The following THSD7A variants were observed in gnomAD, a reference collection of about 807,000 sequenced individuals.
THSD7A encodes the protein thrombospondin type 1 domain containing 7A, also known as thrombospondin type-1 domain-containing protein 7A.
THSD7A carries 96 observed loss-of-function variants against 231.3 expected under a neutral mutation model. That is an observed-to-expected ratio of 0.41 (90% confidence interval 0.35 to 0.49). The LOEUF is 0.49. THSD7A is among the 20% of genes least tolerant of loss of function. The probability of loss-of-function intolerance (pLI) is 0.05; values close to 1 mark genes in which losing one functional copy is unlikely to be tolerated. For missense variants in THSD7A, 2,290 were observed against 2,070.2 expected, an observed-to-expected ratio of 1.11 and a Z score of -2.06; for synonymous variants, 940 against 743.3, an observed-to-expected ratio of 1.26 and a Z score of -4.30.
intron 1 of THSD7A, among the ~76,000 whole-genome samples, chr7:11,693,275 A>G (rs940652734): frequency 6.6e-6 from 1 of 151,592 alleles, no homozygotes; most frequent in Non-Finnish European, 1.5e-5. Flanking sequence ...CATCTTCAAT[A>G]TATGTGAATA....
rs137952357 is a variant in THSD7A, at chr7:11,644,587, G to A, written c.191-7626C>T. 7.4e-3 allele frequency among the ~76,000 whole-genome samples: 1,119 copies of A among 151,934 alleles called. 11 individuals carry two copies. Among genetic ancestry groups the A allele is most frequent in the African/African-American group, 0.025 (1,055 of 41,508 alleles). On this transcript the variant is annotated intron_variant, in intron 1 of 27. Transcript: ENST00000423059. ...GTCAAGCTGAGCTTTCACCTTCAATGAGTAATTAAACTTTAATAAGAAATT... is the reference window on the plus strand; with the variant it reads ...GTCAAGCTGAGCTTTCACCTTCAATAAGTAATTAAACTTTAATAAGAAATT...
At chr7:11,754,668 A>C (rs1782617088) in intron 1 of THSD7A, among the ~76,000 whole-genome samples, 1 of 152,088 alleles carries the variant, frequency 6.6e-6, no homozygotes, top group South Asian at 2.1e-4. Context: ...AAATCTGTAC[A>C]AGTGCAATCT....
At position 11,426,671 on chromosome 7, in the gene THSD7A, C is replaced by T. The variant is rs368747794; in HGVS notation, c.3244G>A (p.Ala1082Thr). Residue 1082 changes from alanine (A) to threonine (T), a missense_variant and splice_region_variant, in exon 15 of 28, where the codon GCA becomes ACA. Coordinates refer to ENST00000423059, the MANE Select transcript of THSD7A (RefSeq NM_015204.3). ...TGAGGTTTAAGAGTTCTTACCTGTG[C>T]CTGGAGTGGTGTTCAACAGGAATGA... Reference protein sequence around the residue: ...PCPKLDHVNQAQVYEVVPCHS... With the variant: ...PCPKLDHVNQTQVYEVVPCHS... 1.9e-6 allele frequency: 3 copies of T among 1,561,366 alleles called. No homozygotes were observed. Among genetic ancestry groups the T allele is most frequent in the Non-Finnish European group, 2.6e-6 (3 of 1,159,986 alleles).
At chr7:11,526,440 T>C (rs1317358881) in intron 6 of THSD7A, among the ~76,000 whole-genome samples, 1 of 152,180 alleles carries the variant, frequency 6.6e-6, no homozygotes, top group African/African-American at 2.4e-5. Context: ...TGAGCATGTC[T>C]CTAGTCCTTG....
At chr7:11,629,807 A>G (rs139132578) in intron 2 of THSD7A, among the ~76,000 whole-genome samples, 15 of 152,318 alleles carry the variant, frequency 9.8e-5, no homozygotes, top group African/African-American at 3.6e-4. Context: ...AGAAAGATAT[A>G]TAGGATTTTA....
intron 4 of THSD7A, among the ~76,000 whole-genome samples, chr7:11,562,668 G>C (rs974600983): frequency 6.6e-6 from 1 of 152,138 alleles, no homozygotes; most frequent in African/African-American, 2.4e-5. Flanking sequence ...GATAACAAGA[G>C]ATTCCAAAGA....
chr7:11,552,672 C>A (rs1010892401), intron 4 of THSD7A, among the ~76,000 whole-genome samples: 15 of 152,090 alleles, frequency 9.9e-5, no homozygotes, highest in African/African-American at 3.6e-4. Context: ...GAGCTGCAGT[C>A]ATAGAAGCTG....
In THSD7A at chr7:11,772,507, TGTG is replaced by T. The variant is rs549915172; in HGVS notation, c.190+59247_190+59249del. ...TCAACACTGGCTTGGATAAAGAAAA[TGTG>T]GTACATATACACCATGAAATACTAT... is the stretch of plus-strand genomic sequence containing the variant. On this transcript the variant is annotated intron_variant, in intron 1 of 27. Coordinates refer to ENST00000423059, the MANE Select transcript of THSD7A (RefSeq NM_015204.3). Among the ~76,000 whole-genome samples the T allele has an allele frequency of 1.3e-4, 20 of 152,106 alleles. 1 individual carries two copies. The East Asian group carries it at 3.9e-3, about 30-fold the overall frequency.
At chr7:11,425,967 GT>G (rs1562600006) in intron 15 of THSD7A, among the ~76,000 whole-genome samples, 1 of 151,818 alleles carries the variant, frequency 6.6e-6, no homozygotes, top group Non-Finnish European at 1.5e-5. Flanking sequence ...TAGATGACAC[GT>G]TAGTGGGTGC....
At chr7:11,421,345 G>T (rs547537301) in intron 16 of THSD7A, among the ~76,000 whole-genome samples, 1 of 152,060 alleles carries the variant, frequency 6.6e-6, no homozygotes, top group African/African-American at 2.4e-5. Context: ...TTCCCCCTTC[G>T]CTCTTTCTCT....
chr7:11,736,351 C>G (rs1331362182), intron 1 of THSD7A, among the ~76,000 whole-genome samples: 1 of 151,884 alleles, frequency 6.6e-6, no homozygotes, highest in Non-Finnish European at 1.5e-5. Flanking sequence ...GTCCCAGCTA[C>G]TCAGGAGGCT....
intron 13 of THSD7A, among the ~76,000 whole-genome samples, chr7:11,434,535 C>A (rs1784572655): frequency 6.6e-6 from 1 of 151,986 alleles, no homozygotes; most frequent in Non-Finnish European, 1.5e-5. Context: ...GTTGATGGAT[C>A]AAAGAATTCA....
At chr7:11,407,957 A>G (rs7811313) in intron 19 of THSD7A, among the ~76,000 whole-genome samples, 63,233 of 151,944 alleles carry the variant, frequency 0.42, 13,916 homozygotes, top group African/African-American at 0.56. Flanking sequence ...AATATGGGTC[A>G]CCAAAGTTTT....
chr7:11,431,616 T>A (rs1583727896), intron 13 of THSD7A, among the ~76,000 whole-genome samples: 1 of 152,288 alleles, frequency 6.6e-6, no homozygotes, highest in South Asian at 2.1e-4. Flanking sequence ...AGTATTGAAA[T>A]CCAGAAGTGT....
At chr7:11,577,916 T>C (rs1463801882) in intron 4 of THSD7A, among the ~76,000 whole-genome samples, 2 of 152,186 alleles carry the variant, frequency 1.3e-5, no homozygotes, top group African/African-American at 2.4e-5. Context: ...GAAGCTGTAA[T>C]TATTCTGACT....
chr7:11,414,070 C>A (rs1267323307), intron 17 of THSD7A: 1 of 152,236 alleles, frequency 6.6e-6, no homozygotes, highest in South Asian at 2.1e-4. Context: ...TAAACTCTTT[C>A]TTTACTGCAA....
At chr7:11,506,154 G>C (rs559486542) in intron 6 of THSD7A, among the ~76,000 whole-genome samples, 1 of 151,642 alleles carries the variant, frequency 6.6e-6, no homozygotes, top group East Asian at 1.9e-4. Context: ...ACCACGCCTG[G>C]CTAATTTTTT....
intron 6 of THSD7A, among the ~76,000 whole-genome samples, chr7:11,483,601 T>C (rs1415405642): frequency 2.6e-5 from 4 of 152,186 alleles, no homozygotes; most frequent in Non-Finnish European, 5.9e-5. Context: ...ATCATTATTG[T>C]ATAAGGCATT....
At chr7:11,381,009 C>T (rs1448792525) in intron 24 of THSD7A, among the ~76,000 whole-genome samples, 1 of 151,910 alleles carries the variant, frequency 6.6e-6, no homozygotes, top group Non-Finnish European at 1.5e-5. Context: ...TTATTTGCAT[C>T]CATTATTGAA....
Sources: allele counts gnomAD v4.1 joint callset (sites outside exome capture counted in the v4.1 genomes callset), GRCh38; gene constraint gnomAD v4.1.1; transcripts MANE v1.5; gene names NCBI Gene and HGNC (gene_info 2026-07-23, HGNC 2026-07-21).